The following IPO11 variants were observed in gnomAD, a reference collection of about 807,000 sequenced individuals.
The protein encoded by IPO11 is importin-11.
In IPO11, 66 loss-of-function variants were observed where a neutral mutation model predicts 143.2. That is an observed-to-expected ratio of 0.46 (90% CI 0.38 to 0.57). The LOEUF (loss-of-function observed/expected upper bound fraction) is 0.57, where lower values mean the gene tolerates loss of function less well. IPO11 is among the 20% of genes least tolerant of loss of function. IPO11 has a pLI of 0.00. For missense variants in IPO11, 1,026 were observed against 1,141.0 expected (o/e 0.90, Z 1.45); for synonymous variants, 385 against 377.8 (o/e 1.02, Z -0.22).
intron 26 of IPO11, among the ~76,000 whole-genome samples, chr5:62,559,873 G>A (rs1580324790): frequency 1.7e-5 from 2 of 120,352 alleles, no homozygotes; most frequent in Admixed American, 2.2e-4. Flanking sequence ...CTGAGATCAC[G>A]CCATTGCACT....
intron 27 of IPO11, among the ~76,000 whole-genome samples, chr5:62,571,653 C>G (rs1744134843): frequency 6.6e-6 from 1 of 151,236 alleles, no homozygotes. Context: ...TCAGTTGATT[C>G]TTCCAATATC....
In IPO11 at chr5:62,627,118, T is replaced by C. The variant is rs777494056; in HGVS notation, c.2764-36T>C. On this transcript the variant is annotated intron_variant, in intron 29 of 29. Coordinates refer to ENST00000325324, the MANE Select transcript of IPO11 (RefSeq NM_016338.5). ...TGCAGGTAGGAGAGACTTGTTTTGC[T>C]TTTTTGACAGTCTTGCTCCTCTCTG... 2.6e-6 allele frequency: 4 copies of C among 1,561,940 alleles called. No individual in the cohort carries two copies. The African/African-American group carries it at 5.4e-5, about 21-fold the overall frequency.
intron 5 of IPO11, among the ~76,000 whole-genome samples, chr5:62,459,828 C>T (rs1452963204): frequency 6.6e-6 from 1 of 152,122 alleles, no homozygotes; most frequent in African/African-American, 2.4e-5. Context: ...GGATTACAGG[C>T]CTGAGCCACC....
At chr5:62,527,497 A>G (rs1184440022) in intron 21 of IPO11, among the ~76,000 whole-genome samples, 1 of 152,234 alleles carries the variant, frequency 6.6e-6, no homozygotes, top group Non-Finnish European at 1.5e-5. Context: ...ATTGTAAGAT[A>G]AAATATTAAT....
At chr5:62,435,562 C>T (rs942590591) in intron 1 of IPO11, among the ~76,000 whole-genome samples, 1 of 151,872 alleles carries the variant, frequency 6.6e-6, no homozygotes, top group Non-Finnish European at 1.5e-5. Context: ...TGTGTTACAG[C>T]CTGGGTGACA....
At chr5:62,542,225 C>T (rs960220062) in intron 24 of IPO11, among the ~76,000 whole-genome samples, 44 of 151,770 alleles carry the variant, frequency 2.9e-4, no homozygotes, top group African/African-American at 1.9e-4. Flanking sequence ...TATTTTTATA[C>T]GAATATTGCT....
intron 24 of IPO11, among the ~76,000 whole-genome samples, chr5:62,549,847 A>T (rs1221445883): frequency 6.6e-6 from 1 of 152,250 alleles, no homozygotes; most frequent in Non-Finnish European, 1.5e-5. Context: ...CTGTATAATT[A>T]TGAATGAAAT....
intron 9 of IPO11, among the ~76,000 whole-genome samples, chr5:62,481,886 C>T (rs1746225769): frequency 6.6e-6 from 1 of 152,170 alleles, no homozygotes; most frequent in African/African-American, 2.4e-5. Context: ...CTTTGTACCT[C>T]TGATAGAATT....
At chr5:62,419,688 TA>T (rs1743431391) in intron 1 of IPO11, among the ~76,000 whole-genome samples, 1 of 152,004 alleles carries the variant, frequency 6.6e-6, no homozygotes, top group Non-Finnish European at 1.5e-5. Context: ...TAGTACATTG[TA>T]AAATTATGAT....
At chr5:62,482,195 G>A (rs1248395686) in intron 9 of IPO11, among the ~76,000 whole-genome samples, 1 of 152,020 alleles carries the variant, frequency 6.6e-6, no homozygotes, top group Non-Finnish European at 1.5e-5. Flanking sequence ...TATTAGTCTT[G>A]CTAGTGGTCT....
At chr5:62,490,924 C>T (rs1424645262) in intron 15 of IPO11, among the ~76,000 whole-genome samples, 1 of 152,090 alleles carries the variant, frequency 6.6e-6, no homozygotes, top group Admixed American at 6.5e-5. Flanking sequence ...CCTGGCCAGC[C>T]CAATTCTTAC....
chr5:62,420,291 CAAAAAAA>C (rs1187591087), intron 1 of IPO11, among the ~76,000 whole-genome samples: 1 of 68,942 alleles, frequency 1.5e-5, no homozygotes, highest in African/African-American at 5.1e-5. Flanking sequence ...AGCTCCGTCT[CAAAAAAA>C]AAAAAAAAAA....
At chr5:62,476,269 C>CA (rs200373308) in intron 8 of IPO11, among the ~76,000 whole-genome samples, 18 of 149,372 alleles carry the variant, frequency 1.2e-4, no homozygotes, top group East Asian at 3.9e-4. Context: ...TCTGAATGTA[C>CA]AAAAAAAAAT....
At chr5:62,538,336 T>C (rs959462269) in intron 24 of IPO11, among the ~76,000 whole-genome samples, 1 of 152,210 alleles carries the variant, frequency 6.6e-6, no homozygotes, top group Non-Finnish European at 1.5e-5. Flanking sequence ...TCATAACTGA[T>C]ATGGTTAGGC....
chr5:62,540,255 G>T (rs929806195), intron 24 of IPO11, among the ~76,000 whole-genome samples: 1 of 152,120 alleles, frequency 6.6e-6, no homozygotes, highest in Non-Finnish European at 1.5e-5. Flanking sequence ...TATGGCTCCT[G>T]AGTATACTTT....
At chr5:62,527,071 T>C (rs898166405) in intron 21 of IPO11, among the ~76,000 whole-genome samples, 2 of 152,070 alleles carry the variant, frequency 1.3e-5, no homozygotes, top group Admixed American at 1.3e-4. Context: ...AATAATGATC[T>C]TTATCAGAAT....
chr5:62,523,323 A>G (rs1318361496), intron 20 of IPO11, among the ~76,000 whole-genome samples: 1 of 152,194 alleles, frequency 6.6e-6, no homozygotes, highest in African/African-American at 2.4e-5. Flanking sequence ...AGTGATTTCT[A>G]ACACTGTGCA....
intron 1 of IPO11, among the ~76,000 whole-genome samples, chr5:62,423,469 A>T (rs1051378237): frequency 1.3e-5 from 2 of 152,234 alleles, no homozygotes; most frequent in Non-Finnish European, 2.9e-5. Context: ...GAACAGTAGC[A>T]TGGAGGAAGG....
chr5:62,443,275 A>G, intron 3 of IPO11, 192 bp downstream of exon 3: 1 of 444,804 alleles, frequency 2.2e-6, no homozygotes, highest in Non-Finnish European at 3.9e-6. Flanking sequence ...GAAGTGTTTG[A>G]TATTTAAAAA....
Sources: allele counts gnomAD v4.1 joint callset (sites outside exome capture counted in the v4.1 genomes callset), GRCh38; gene constraint gnomAD v4.1.1; transcripts MANE v1.5; gene names NCBI Gene and HGNC (gene_info 2026-07-23, HGNC 2026-07-21).